The following SLC25A48 variants were observed in gnomAD, a reference collection of about 807,000 sequenced individuals.
SLC25A48 encodes CTC-321K16.1.
SLC25A48 carries 29 observed loss-of-function variants against 32.2 expected under a neutral mutation model. The ratio of observed to expected loss-of-function variants is 0.90; its 90% CI spans 0.67 to 1.23. The LOEUF (loss-of-function observed/expected upper bound fraction) is 1.23. SLC25A48 is among the 50% of genes most tolerant of loss of function. SLC25A48 has a pLI of 0.00. For synonymous variants in SLC25A48, 164 were observed against 172.3 expected (o/e 0.95, Z 0.38); for missense variants, 399 against 422.7 (o/e 0.94, Z 0.49).
intron 3 of SLC25A48, among the ~76,000 whole-genome samples, chr5:135,805,258 T>A (rs903730115): frequency 6.6e-6 from 1 of 151,140 alleles, no homozygotes; most frequent in African/African-American, 2.4e-5. Flanking sequence ...ATTTGTAATG[T>A]CCTAGGCAGA....
chr5:135,869,962 C>T (rs984264541), intron 4 of SLC25A48, among the ~76,000 whole-genome samples: 2 of 152,166 alleles, frequency 1.3e-5, no homozygotes, highest in African/African-American at 4.8e-5. Context: ...AGCATACTTC[C>T]CAGGCACGCA....
At chr5:135,772,968 C>T (rs1211198865) in intron 3 of SLC25A48, among the ~76,000 whole-genome samples, 2 of 151,018 alleles carry the variant, frequency 1.3e-5, no homozygotes, top group Non-Finnish European at 3.0e-5. Flanking sequence ...GTACACCTCT[C>T]TGTGATATTG....
At chr5:135,773,047 A>ATG (rs1756455121) in intron 3 of SLC25A48, among the ~76,000 whole-genome samples, 1 of 147,970 alleles carries the variant, frequency 6.8e-6, no homozygotes, top group African/African-American at 2.5e-5. Context: ...ACTTCCCGGT[A>ATG]ATATTGTTTG....
chr5:135,859,555 C>T (rs1359185611), intron 4 of SLC25A48, among the ~76,000 whole-genome samples: 1 of 152,166 alleles, frequency 6.6e-6, no homozygotes, highest in Admixed American at 6.5e-5. Flanking sequence ...AGCCACACCA[C>T]GTGGGAGACA....
intron 3 of SLC25A48, among the ~76,000 whole-genome samples, chr5:135,694,634 C>G (rs1754225661): frequency 6.6e-6 from 1 of 151,938 alleles, no homozygotes; most frequent in Admixed American, 6.6e-5. Flanking sequence ...TCTTGCCTGT[C>G]ACTCAGGCTG....
At chr5:135,586,534 A>T (rs1490579071) in intron 1 of SLC25A48, among the ~76,000 whole-genome samples, 1 of 152,198 alleles carries the variant, frequency 6.6e-6, no homozygotes, top group South Asian at 2.1e-4. Context: ...AGACACAGAC[A>T]TGGAGCCTTC....
chr5:135,801,489 G>T (rs1580895699), intron 3 of SLC25A48, among the ~76,000 whole-genome samples: 2 of 150,118 alleles, frequency 1.3e-5, no homozygotes, highest in Admixed American at 1.3e-4. Flanking sequence ...ATCACAGGGT[G>T]TGTAAACCCC....
chr5:135,761,611 A>G (rs1193537756), intron 3 of SLC25A48, among the ~76,000 whole-genome samples: 1 of 152,164 alleles, frequency 6.6e-6, no homozygotes, highest in Admixed American at 6.5e-5. Context: ...ATCTACTCCA[A>G]TGCAAATACC....
At chr5:135,668,369 A>G (rs1561782819) in intron 3 of SLC25A48, among the ~76,000 whole-genome samples, 1 of 152,226 alleles carries the variant, frequency 6.6e-6, no homozygotes, top group Non-Finnish European at 1.5e-5. Flanking sequence ...TGAAGTTGAA[A>G]TAGTAGTGAC....
At chr5:135,695,861 CTCTTAA>C (rs1338186569) in intron 3 of SLC25A48, among the ~76,000 whole-genome samples, 1 of 152,200 alleles carries the variant, frequency 6.6e-6, no homozygotes, top group Non-Finnish European at 1.5e-5. Context: ...GGGAGGTCAG[CTCTTAA>C]TCTTAGTCAC....
intron 3 of SLC25A48, among the ~76,000 whole-genome samples, chr5:135,652,141 A>G (rs1561775897): frequency 1.3e-5 from 2 of 152,184 alleles, no homozygotes; most frequent in Non-Finnish European, 2.9e-5. Context: ...AACAGGGTGG[A>G]CTTCCCCTTA....
At chr5:135,752,518 A>G (rs537327485) in intron 3 of SLC25A48, among the ~76,000 whole-genome samples, 48 of 151,606 alleles carry the variant, frequency 3.2e-4, no homozygotes, top group African/African-American at 9.9e-4. Context: ...ATATCTTCCC[A>G]TGATATTACA....
At chr5:135,826,240 GGGTTT>G (rs1281377659) in intron 4 of SLC25A48, 2 of 152,282 alleles carry the variant, frequency 1.3e-5, no homozygotes, top group Non-Finnish European at 2.9e-5. Context: ...CGCAGGCCTA[GGGTTT>G]GCCTTTCTCC....
chr5:135,884,505 C>T lies in SLC25A48; in HGVS notation c.*8-3527C>T, dbSNP rs146493549. 6.0e-3 allele frequency among the ~76,000 whole-genome samples: 917 copies of T among 152,270 alleles called. 4 individuals are homozygous for T. The highest frequency in any genetic ancestry group is 0.01 in the Non-Finnish European group (682 of 68,014). ...TCATCAAACATTTGCTGAGCAGATGCTGACCTAGGTGGTGGGGACAGCCAT... is the reference window on the plus strand; with the variant it reads ...TCATCAAACATTTGCTGAGCAGATGTTGACCTAGGTGGTGGGGACAGCCAT... On this transcript the variant is annotated intron_variant, in intron 7 of 7. Transcript: ENST00000681962.
chr5:135,769,890 G>T (rs1756358988), intron 3 of SLC25A48, among the ~76,000 whole-genome samples: 1 of 151,458 alleles, frequency 6.6e-6, no homozygotes, highest in Non-Finnish European at 1.5e-5. Context: ...TCCCAATATT[G>T]CAGGGGGTGT....
chr5:135,634,340 G>C (rs1752647681), intron 2 of SLC25A48, among the ~76,000 whole-genome samples: 1 of 152,234 alleles, frequency 6.6e-6, no homozygotes, highest in Non-Finnish European at 1.5e-5. Flanking sequence ...AGCCATTCAG[G>C]AGGGAAGGGC....
chr5:135,647,126 G>T (rs1561773486), intron 3 of SLC25A48, among the ~76,000 whole-genome samples: 1 of 151,938 alleles, frequency 6.6e-6, no homozygotes, highest in Admixed American at 6.6e-5. Context: ...AACACATACG[G>T]TTTTTATTTG....
chr5:135,778,847 C>T (rs927705821), intron 3 of SLC25A48, among the ~76,000 whole-genome samples: 33 of 3,830 alleles, frequency 8.6e-3, no homozygotes, highest in Non-Finnish European at 7.3e-3. Context: ...ACACCCCCCC[C>T]GCCCCGCCGT....
At chr5:135,666,075 A>G (rs931824050) in intron 3 of SLC25A48, among the ~76,000 whole-genome samples, 2 of 152,196 alleles carry the variant, frequency 1.3e-5, no homozygotes, top group Non-Finnish European at 2.9e-5. Flanking sequence ...ATCCTGTGCC[A>G]TGAACCAGTG....
Sources: allele counts gnomAD v4.1 joint callset (sites outside exome capture counted in the v4.1 genomes callset), GRCh38; gene constraint gnomAD v4.1.1; transcripts MANE v1.5; gene names NCBI Gene and HGNC (gene_info 2026-07-23, HGNC 2026-07-21).